The following INPP4A variants were observed in gnomAD, a reference collection of about 807,000 sequenced individuals.
INPP4A encodes inositol polyphosphate-4-phosphatase type I A.
A neutral mutation model predicts 119.8 loss-of-function variants in INPP4A; 33 were observed. That is an observed-to-expected ratio of 0.28 (90% confidence interval 0.21 to 0.37). The LOEUF is 0.37. INPP4A is among the 10% of genes least tolerant of loss of function. The pLI is 1.00. For missense variants in INPP4A, 956 were observed against 1,289.9 expected, an observed-to-expected ratio of 0.74 and a Z score of 3.97; for synonymous variants, 496 against 500.7, an observed-to-expected ratio of 0.99 and a Z score of 0.12.
At chr2:98,493,290 A>T (rs1681213472) in intron 1 of INPP4A, among the ~76,000 whole-genome samples, 1 of 151,904 alleles carries the variant, frequency 6.6e-6, no homozygotes, top group African/African-American at 2.4e-5. Flanking sequence ...TTCGAGGGAG[A>T]TGTGGCTTGT....
intron 1 of INPP4A, among the ~76,000 whole-genome samples, chr2:98,474,561 G>C (rs1422006795): frequency 6.6e-6 from 1 of 152,222 alleles, no homozygotes; most frequent in African/African-American, 2.4e-5. Flanking sequence ...GGGCCCTCCT[G>C]CTTGGTGAGT....
intron 22 of INPP4A, among the ~76,000 whole-genome samples, chr2:98,571,589 C>T (rs1310096696): frequency 6.6e-6 from 1 of 152,226 alleles, no homozygotes; most frequent in African/African-American, 2.4e-5. Context: ...CAGGCTGGAC[C>T]ACGCAGGCAG....
intron 17 of INPP4A, among the ~76,000 whole-genome samples, chr2:98,562,565 A>T (rs770310979): frequency 2.6e-5 from 4 of 152,100 alleles, no homozygotes; most frequent in Non-Finnish European, 5.9e-5. Flanking sequence ...CCTGGGCTTC[A>T]CTCCATGACT....
At chr2:98,539,394 G>A (rs535145319) in intron 9 of INPP4A, 134 bp from the exon 10 acceptor site, 30 of 982,998 alleles carry the variant, frequency 3.1e-5, no homozygotes, top group Middle Eastern at 6.9e-4. Flanking sequence ...CGGTGTAAGC[G>A]TTTTAATTCC....
In INPP4A at chr2:98,494,460, C is replaced by T. The variant is rs115149602; in HGVS notation, c.-165-24504C>T. ...TGTTCATAAAGTGGAAGTGTCACTC[C>T]GAGAGAAGTGGGACACAGTCTGTGC... On this transcript the variant is annotated intron_variant, in intron 1 of 24. Coordinates refer to ENST00000409851, the MANE Select transcript of INPP4A (RefSeq NM_001134225.2). Among the ~76,000 whole-genome samples the T allele has an allele frequency of 4.4e-3, 665 of 152,182 alleles. 3 individuals are homozygous for T. The highest frequency in any genetic ancestry group is 0.014 in the African/African-American group (578 of 41,502).
chr2:98,579,157 A>G lies in INPP4A; in HGVS notation c.2786+2014A>G, dbSNP rs533667346. Among the ~76,000 whole-genome samples the G allele has an allele frequency of 1.6e-4, 25 of 152,108 alleles. No homozygotes were observed. In the South Asian group the frequency reaches 4.1e-3, roughly 25 times the overall value. On this transcript the variant is annotated intron_variant, in intron 24 of 24. Coordinates refer to ENST00000409851, the MANE Select transcript of INPP4A (RefSeq NM_001134225.2). ...ATCCTCCACCTCCAGAGTTTAAGCA[A>G]TTCTGCCCTTGCCTCCTGAGTAGCT...
intron 1 of INPP4A, among the ~76,000 whole-genome samples, chr2:98,483,217 C>T (rs531530121): frequency 6.6e-6 from 1 of 152,304 alleles, no homozygotes; most frequent in East Asian, 1.9e-4. Flanking sequence ...ACTACATATG[C>T]CTTCCCACCT....
At chr2:98,515,040 C>G (rs569122666) in intron 1 of INPP4A, among the ~76,000 whole-genome samples, 1 of 152,302 alleles carries the variant, frequency 6.6e-6, no homozygotes, top group African/African-American at 2.4e-5. Context: ...CAGGGCAGCT[C>G]CACGCCCTTC....
At chr2:98,565,579 T>C in intron 19 of INPP4A, 61 bp from the exon 20 acceptor site, 3 of 1,539,380 alleles carry the variant, frequency 1.9e-6, no homozygotes, top group South Asian at 2.5e-5. Flanking sequence ...TGCCTTCTGC[T>C]GAGACTGGGG....
In INPP4A at chr2:98,572,876, C is replaced by A; in HGVS notation, c.2580C>A (p.Asn860Lys). ...AGCTGCTGCGGTTTCTGGGTCAGAA[C>A]GTGCATGCCCGGAAGAATAAGAACG... ...LPELLRFLGQ[N>K]VHARKNKNVD... The change falls in exon 23 of 25, where the codon AAC (asparagine) becomes AAA (lysine). Residue 860 changes from asparagine (N) to lysine (K), a missense_variant. Around this residue, in one of 2 missense-constraint regions of INPP4A, gnomAD observed 304 missense variants for 492.1 expected, o/e 0.62. Transcript: ENST00000409851. 1 of 1,580,326 alleles carries A rather than the reference C, an allele frequency of 6.3e-7. No individual in the cohort carries two copies. Among genetic ancestry groups the A allele is most frequent in the East Asian group, 2.3e-5 (1 of 43,050 alleles).
chr2:98,539,696 T>G (rs773060467), intron 10 of INPP4A, 21 bp downstream of exon 10: 25 of 1,595,856 alleles, frequency 1.6e-5, no homozygotes, highest in Non-Finnish European at 1.3e-5. Context: ...ATGGAAGGAC[T>G]GACTGTCCAT....
intron 4 of INPP4A, among the ~76,000 whole-genome samples, chr2:98,524,232 A>G (rs1159573151): frequency 6.6e-6 from 1 of 151,504 alleles, no homozygotes; most frequent in East Asian, 1.9e-4. Context: ...AATCAAATAT[A>G]TGCAGTTTAC....
At chr2:98,522,279 T>A (rs1479794544) in intron 4 of INPP4A, among the ~76,000 whole-genome samples, 3 of 143,534 alleles carry the variant, frequency 2.1e-5, no homozygotes, top group Non-Finnish European at 3.0e-5. Context: ...AGAGCGAGAC[T>A]CTGTCTCAAA....
chr2:98,515,820 G>A (rs1686012175), intron 1 of INPP4A, among the ~76,000 whole-genome samples: 1 of 152,010 alleles, frequency 6.6e-6, no homozygotes, highest in African/African-American at 2.4e-5. Flanking sequence ...CACCCCTCCC[G>A]TCCTGCCAGT....
chr2:98,479,858 G>A (rs1370382926), intron 1 of INPP4A, among the ~76,000 whole-genome samples: 3 of 152,200 alleles, frequency 2.0e-5, no homozygotes, highest in Non-Finnish European at 4.4e-5. Flanking sequence ...GTCTGGTACA[G>A]GGGTCAGCTC....
chr2:98,476,946 C>CCT (rs1308072461), intron 1 of INPP4A, among the ~76,000 whole-genome samples: 1 of 152,220 alleles, frequency 6.6e-6, no homozygotes, highest in Non-Finnish European at 1.5e-5. Flanking sequence ...GGCCTGAGTG[C>CCT]CTCCATCCCC....
chr2:98,450,134 C>G (rs576315844), intron 1 of INPP4A, among the ~76,000 whole-genome samples: 1 of 151,972 alleles, frequency 6.6e-6, no homozygotes, highest in Non-Finnish European at 1.5e-5. Flanking sequence ...ACAAGGAACC[C>G]AAGCTTTTCT....
intron 1 of INPP4A, among the ~76,000 whole-genome samples, chr2:98,468,093 C>G (rs1389923805): frequency 1.3e-5 from 2 of 152,156 alleles, no homozygotes; most frequent in African/African-American, 4.8e-5. Context: ...CTTTCCAACT[C>G]AGTGAGACCA....
Position 98,568,605 on chromosome 2 carries a change from G to A in INPP4A, c.2455G>A (p.Val819Met), listed in dbSNP as rs143132498. 2.5e-4 allele frequency: 401 copies of A among 1,603,866 alleles called. 2 individuals are homozygous for A. In the East Asian group the frequency reaches 7.4e-3, roughly 30 times the overall value. Residue 819 changes from valine to methionine, a missense_variant, in exon 22 of 25, where the codon GTG becomes ATG. Coordinates refer to ENST00000409851, the MANE Select transcript of INPP4A (RefSeq NM_001134225.2). ...GDTSLQEVIN[V>M]ESLVRLNSYF... ...TACGTCTTTACAAGAAGTCATCAAC[G>A]TGGAGAGTTTGGTGCGGTTAAATTC...
Sources: allele counts gnomAD v4.1 joint callset (sites outside exome capture counted in the v4.1 genomes callset), GRCh38; gene constraint gnomAD v4.1.1; regional missense constraint gnomAD v4.1.1; transcripts MANE v1.5; gene names NCBI Gene and HGNC (gene_info 2026-07-23, HGNC 2026-07-21).